Variants in MAGEB2 observed in about 807,000 individuals in gnomAD.
MAGEB2 encodes the protein MAGE family member B2, also known as melanoma-associated antigen B2.
For synonymous variants in MAGEB2, 107 were observed against 96.2 expected (o/e 1.11, Z -0.66); for missense variants, 365 against 243.2 (o/e 1.50, Z -3.33).
intron 1 of MAGEB2, among the ~76,000 whole-genome samples, chrX:30,217,159 T>G (rs1410420902): frequency 9.0e-6 from 1 of 111,671 alleles, no homozygotes; most frequent in Non-Finnish European, 1.9e-5. Flanking sequence ...TACTAATTGG[T>G]CCATTCTGGC....
chrX:30,216,747 C>T (rs184603435), intron 1 of MAGEB2, among the ~76,000 whole-genome samples: 253 of 109,077 alleles, frequency 2.3e-3, no homozygotes, highest in African/African-American at 7.1e-3. Context: ...TAGCGGGGAG[C>T]GGTGGCGGGC....
intron 1 of MAGEB2, among the ~76,000 whole-genome samples, chrX:30,217,443 A>G (rs745727318): frequency 2.1e-4 from 24 of 112,043 alleles, no homozygotes; most frequent in African/African-American, 6.5e-4. Context: ...TAAACCATTC[A>G]TGAAAAACCT....
intron 1 of MAGEB2, among the ~76,000 whole-genome samples, chrX:30,218,362 G>A (rs749077535): frequency 8.9e-6 from 1 of 111,925 alleles, no homozygotes; most frequent in Admixed American, 9.4e-5. Context: ...GGGTTCTGTG[G>A]TTCTTCTCTG....
At position 30,219,124 on chromosome X, in the gene MAGEB2, G is replaced by A. The variant is rs199666309; in HGVS notation, c.544G>A (p.Asp182Asn). ...NPNGHTYTFI[D>N]KVDLTDEESL... ...CAACGGCCACACTTACACCTTCATCGACAAGGTAGACCTCACTGATGAGGA... is the reference window on the plus strand; with the variant it reads ...CAACGGCCACACTTACACCTTCATCAACAAGGTAGACCTCACTGATGAGGA... The change falls in exon 2 of 2, where the codon GAC becomes AAC. Residue 182 changes from aspartate (D) to asparagine (N), a missense_variant. Transcript: ENST00000378988. 8.7e-5 allele frequency: 105 copies of A among 1,208,529 alleles called. No homozygotes were observed. Among genetic ancestry groups the A allele is most frequent in the Non-Finnish European group, 1.0e-4 (91 of 894,414 alleles).
Position 30,219,497 on chromosome X carries a change from A to G in MAGEB2, c.917A>G (p.His306Arg). The G allele has an allele frequency of 8.3e-7, 1 of 1,207,482 alleles. No individual in the cohort carries two copies. The highest frequency in any genetic ancestry group is 1.1e-6 in the Non-Finnish European group (1 of 893,464). The part of the protein sequence containing the change: ...NGTTPCAFPT[H>R]YEEALKDEEK... ...ACCACCCCCTGTGCCTTCCCAACCC[A>G]TTACGAAGAAGCTTTGAAAGATGAA... The change falls in exon 2 of 2, where the codon CAT becomes CGT. Residue 306 changes from histidine (H) to arginine (R), a missense_variant. By Grantham distance (29) the His-to-Arg change is conservative. Coordinates refer to ENST00000378988, the MANE Select transcript of MAGEB2 (RefSeq NM_002364.5).
rs1924505814 is a variant in MAGEB2, at chrX:30,219,409, C to A, written c.829C>A (p.Pro277Thr). The A allele has an allele frequency of 8.3e-7, 1 of 1,209,992 alleles. No individual in the cohort carries two copies. Among genetic ancestry groups the A allele is most frequent in the Non-Finnish European group, 1.1e-6 (1 of 895,039 alleles). Reference protein sequence around the residue: ...DPPRFQFLWGPRAYAETSKMK... With the variant: ...DPPRFQFLWGTRAYAETSKMK... ...CCCACGCTTTCAATTCCTGTGGGGT[C>A]CGAGAGCCTATGCTGAAACCAGCAA... Residue 277 changes from proline to threonine, a missense_variant, in exon 2 of 2, where the codon CCG becomes ACG. Physicochemically the swap from Pro to Thr is conservative, Grantham distance 38. Transcript: ENST00000378988.
At chrX:30,217,896 G>A (rs949219583) in intron 1 of MAGEB2, among the ~76,000 whole-genome samples, 1 of 111,998 alleles carries the variant, frequency 8.9e-6, no homozygotes, top group African/African-American at 3.2e-5. Flanking sequence ...CTCAGGAAAG[G>A]GTTATCAGGT....
In MAGEB2 at chrX:30,218,608, C is replaced by A; in HGVS notation, c.28C>A (p.Arg10Ser). Residue 10 changes from arginine (R) to serine (S), a missense_variant, in exon 2 of 2, where the codon CGT becomes AGT. Arg to Ser is a moderately radical substitution (Grantham distance 110). Transcript: ENST00000378988. ...GCCTCGTGGTCAGAAGAGTAAGCTC[C>A]GTGCCCGTGAGAAACGCCGCAAGGC... MPRGQKSKL[R>S]AREKRRKARD... 8.3e-7 allele frequency: 1 copy of A among 1,209,863 alleles called. No homozygotes were observed. Among genetic ancestry groups the A allele is most frequent in the Non-Finnish European group, 1.1e-6 (1 of 894,480 alleles).
At position 30,219,073 on chromosome X, in the gene MAGEB2, G is replaced by T. The variant is rs1924487974; in HGVS notation, c.493G>T (p.Gly165Cys). The change falls in exon 2 of 2, where the codon GGC becomes TGC. Residue 165 changes from glycine (G) to cysteine (C), a missense_variant. Gly to Cys is a radical substitution (Grantham distance 159, BLOSUM62 -3). Coordinates refer to ENST00000378988, the MANE Select transcript of MAGEB2 (RefSeq NM_002364.5). ...CTCTGAGGGCCTCAGTGTTGTCTTT[G>T]GCCTTGAGCTGAATAAAGTCAACCC... ...KASEGLSVVF[G>C]LELNKVNPNG... The T allele has an allele frequency of 3.3e-6, 4 of 1,210,646 alleles. No homozygotes were observed. Among genetic ancestry groups the T allele is most frequent in the Non-Finnish European group, 4.5e-6 (4 of 894,841 alleles).
At chrX:30,216,855 G>C (rs1219513917) in intron 1 of MAGEB2, among the ~76,000 whole-genome samples, 1 of 101,203 alleles carries the variant, frequency 9.9e-6, no homozygotes, top group East Asian at 2.9e-4. Context: ...ACTGCAGTCC[G>C]GCCTAGGCGA....
Position 30,219,386 on chromosome X carries a change from C to G in MAGEB2, c.806C>G (p.Pro269Arg). The change falls in exon 2 of 2, where the codon CCA becomes CGA. Residue 269 changes from proline to arginine, a missense_variant. Pro to Arg is a moderately radical substitution (Grantham distance 103, BLOSUM62 -2). Transcript: ENST00000378988. Reference protein sequence around the residue: ...EYKQVPSSDPPRFQFLWGPRA... With the variant: ...EYKQVPSSDPRRFQFLWGPRA... ...AAGCAGGTGCCCAGCAGTGATCCCC[C>G]ACGCTTTCAATTCCTGTGGGGTCCG... The G allele has an allele frequency of 8.3e-7, 1 of 1,211,930 alleles. No individual in the cohort carries two copies. The highest frequency in any genetic ancestry group is 1.1e-6 in the Non-Finnish European group (1 of 895,461).
In MAGEB2 at chrX:30,218,950, T is replaced by C. The variant is rs189110298; in HGVS notation, c.370T>C (p.Tyr124His). 3 of 1,209,121 alleles carry C rather than the reference T, an allele frequency of 2.5e-6. No homozygotes were observed. The East Asian group carries it at 8.9e-5, about 36-fold the overall frequency. The change falls in exon 2 of 2, where the codon TAC becomes CAC. Residue 124 changes from tyrosine (Y) to histidine (H), a missense_variant. By Grantham distance (83) the Tyr-to-His change is moderately conservative (BLOSUM62 2). Transcript: ENST00000378988. ...AGGGTCGTTGGTGCAGTTCCTGTTG[T>C]ACAAGTATAAAATAAAAAAGTCCGT... ...KSGSLVQFLL[Y>H]KYKIKKSVTK...
chrX:30,219,689 G>T lies in MAGEB2; in HGVS notation c.*149G>T. On this transcript the variant is annotated 3_prime_UTR_variant, in exon 2 of 2. Transcript: ENST00000378988. ...GCCTGTTAACCTTTGTTCTTGTTAT[G>T]CATGAATAACTTGTTGACTTTTTTT... The T allele has an allele frequency of 2.3e-6, 1 of 441,822 alleles. No individual in the cohort carries two copies. 36.4% of individuals were successfully genotyped at this position (441,822 alleles called of 1,213,427 possible).
At position 30,218,673 on chromosome X, in the gene MAGEB2, T is replaced by C; in HGVS notation, c.93T>C (p.Thr31=). The change falls in exon 2 of 2, where the codon ACT becomes ACC. Residue 31 remains threonine, a synonymous_variant. Transcript: ENST00000378988. ...ETRGLNVPQV[T]EAEEEEAPCC... ...GGGGTCTCAATGTTCCTCAGGTCAC[T>C]GAAGCAGAGGAAGAAGAGGCCCCCT... The C allele has an allele frequency of 8.3e-7, 1 of 1,209,407 alleles. No individual in the cohort carries two copies. The highest frequency in any genetic ancestry group is 1.8e-5 in the South Asian group (1 of 56,404).
rs370019799 is a variant in MAGEB2, at chrX:30,219,333, T to C, written c.753T>C (p.Asp251=). Reference sequence around the variant, plus strand: ...AACCCTGGAAGCTCATCACCAAAGATCTGGTGCAGGAAAAATATCTGGAGT... The same window carrying C: ...AACCCTGGAAGCTCATCACCAAAGACCTGGTGCAGGAAAAATATCTGGAGT... ...FGEPWKLITK[D]LVQEKYLEYK... Residue 251 remains aspartate (D), a synonymous_variant, in exon 2 of 2, where the codon GAT becomes GAC. Coordinates refer to ENST00000378988, the MANE Select transcript of MAGEB2 (RefSeq NM_002364.5). The C allele has an allele frequency of 4.1e-6, 5 of 1,209,916 alleles. No individual in the cohort carries two copies. In the African/African-American group the frequency reaches 7.0e-5, roughly 17 times the overall value.
chrX:30,216,647 G>A (rs918204973), intron 1 of MAGEB2, among the ~76,000 whole-genome samples: 2 of 111,043 alleles, frequency 1.8e-5, no homozygotes, highest in East Asian at 2.8e-4. Flanking sequence ...TTGGGAGGCC[G>A]AGACAGGCGG....
In MAGEB2 at chrX:30,219,347, A is replaced by G; in HGVS notation, c.767A>G (p.Lys256Arg). 1.7e-6 allele frequency: 2 copies of G among 1,211,632 alleles called. No individual in the cohort carries two copies. The highest frequency in any genetic ancestry group is 2.2e-6 in the Non-Finnish European group (2 of 895,416). ...KLITKDLVQE[K>R]YLEYKQVPSS... ...ATCACCAAAGATCTGGTGCAGGAAA[A>G]ATATCTGGAGTACAAGCAGGTGCCC... Residue 256 changes from lysine (K) to arginine (R), a missense_variant, in exon 2 of 2, where the codon AAA becomes AGA. Physicochemically the swap from Lys to Arg is conservative, Grantham distance 26. Transcript: ENST00000378988.
chrX:30,216,725 CAA>C (rs35880870), intron 1 of MAGEB2, among the ~76,000 whole-genome samples: 20,063 of 103,889 alleles, frequency 0.19, 1,979 homozygotes, highest in Non-Finnish European at 0.28. Flanking sequence ...CTAAAAATAC[CAA>C]AAAAAAAATT....
At position 30,219,410 on chromosome X, in the gene MAGEB2, C is replaced by T. The variant is rs142602767; in HGVS notation, c.830C>T (p.Pro277Leu). Reference protein sequence around the residue: ...DPPRFQFLWGPRAYAETSKMK... With the variant: ...DPPRFQFLWGLRAYAETSKMK... The stretch of plus-strand genomic sequence containing the variant: ...CCACGCTTTCAATTCCTGTGGGGTC[C>T]GAGAGCCTATGCTGAAACCAGCAAG... The change falls in exon 2 of 2, where the codon CCG becomes CTG. Residue 277 changes from proline to leucine, a missense_variant. Physicochemically the swap from Pro to Leu is moderately conservative, Grantham distance 98 (BLOSUM62 -3). Coordinates refer to ENST00000378988, the MANE Select transcript of MAGEB2 (RefSeq NM_002364.5). The T allele has an allele frequency of 3.1e-5, 37 of 1,209,883 alleles. No homozygotes were observed. The highest frequency in any genetic ancestry group is 8.8e-5 in the South Asian group (5 of 56,809).
Sources: allele counts gnomAD v4.1 joint callset (sites outside exome capture counted in the v4.1 genomes callset), GRCh38; gene constraint gnomAD v4.1.1; transcripts MANE v1.5; gene names NCBI Gene and HGNC (gene_info 2026-07-23, HGNC 2026-07-21).